The following TP53BP2 variants were observed in gnomAD, a reference collection of about 807,000 sequenced individuals.
TP53BP2 encodes the protein tumor protein p53 binding protein 2.
A neutral mutation model predicts 126.2 loss-of-function variants in TP53BP2; 62 were observed. The ratio of observed to expected loss-of-function variants is 0.49; its 90% CI spans 0.40 to 0.61. The LOEUF is 0.61. Among genes scored for constraint, TP53BP2 ranks in the 20% least tolerant of loss-of-function variants. The pLI is 0.00. For missense variants in TP53BP2, 1,215 were observed against 1,402.8 expected, an observed-to-expected ratio of 0.87 and a Z score of 2.14; for synonymous variants, 485 against 502.9, an observed-to-expected ratio of 0.96 and a Z score of 0.48.
At chr1:223,805,011 C>G (rs573505213) in intron 5 of TP53BP2, among the ~76,000 whole-genome samples, 1 of 152,130 alleles carries the variant, frequency 6.6e-6, no homozygotes, top group Non-Finnish European at 1.5e-5. Flanking sequence ...TGTTTCTTTC[C>G]CCTGCCCCAA....
intron 10 of TP53BP2, 68 bp from the exon 11 acceptor site, chr1:223,800,115 T>C: frequency 6.9e-7 from 1 of 1,456,488 alleles, no homozygotes; most frequent in Non-Finnish European, 9.1e-7. Flanking sequence ...ACTCGTAAGT[T>C]TCTCTCCCCT....
In TP53BP2 at chr1:223,792,484, C is replaced by T. The variant is rs578235907; in HGVS notation, c.2901G>A (p.Thr967=). ...CTGCACACACAGCATTGTGAAGAGC[C>T]GTGATGCCTTCATCATTGGGGAGGC... ...DPSLPNDEGI[T]ALHNAVCAGH... The change falls in exon 15 of 18, where the codon ACG becomes ACA. Residue 967 remains threonine, a synonymous_variant. Transcript: ENST00000343537. The T allele has an allele frequency of 5.9e-5, 95 of 1,613,980 alleles. No individual in the cohort carries two copies. The South Asian group carries it at 8.1e-4, about 14-fold the overall frequency.
At chr1:223,822,052 C>T (rs1030526871) in intron 1 of TP53BP2, among the ~76,000 whole-genome samples, 4 of 151,946 alleles carry the variant, frequency 2.6e-5, no homozygotes, top group African/African-American at 4.8e-5. Context: ...CCATATCACA[C>T]CACACCACGC....
chr1:223,786,608 A>G (rs11810318), intron 16 of TP53BP2, among the ~76,000 whole-genome samples: 47,215 of 134,928 alleles, frequency 0.35, 7,512 homozygotes, highest in African/African-American at 0.41. Flanking sequence ...GTGTGTGTGT[A>G]TATTTTTTTT....
At chr1:223,806,705 T>A (rs2102857808) in intron 5 of TP53BP2, 141 bp downstream of exon 5, 1 of 610,444 alleles carries the variant, frequency 1.6e-6, no homozygotes, top group East Asian at 3.1e-5. Flanking sequence ...CTGCCTGTAA[T>A]CCCAGCTACT....
rs746413768 is a variant in TP53BP2 at position 223,793,284 on chromosome 1, T to G, written c.2862+19A>C. 4.6e-6 allele frequency: 7 copies of G among 1,527,446 alleles called. No individual in the cohort carries two copies. The East Asian group carries it at 1.7e-4, about 36-fold the overall frequency. The allele number at this position is 1,527,446 out of a possible 1,614,324, so 94.6% of individuals were successfully genotyped here. On this transcript the variant is annotated intron_variant, in intron 14 of 17. Coordinates refer to ENST00000343537, the MANE Select transcript of TP53BP2 (RefSeq NM_001031685.3). ...GAGACTCTGACTCAAAAAAAAAAAT[T>G]TACTAATTATAATCATACCTCATAA...
chr1:223,842,088 C>T (rs542260902), intron 1 of TP53BP2, among the ~76,000 whole-genome samples: 2 of 151,890 alleles, frequency 1.3e-5, no homozygotes, highest in African/African-American at 2.4e-5. Context: ...TACAGGCACA[C>T]GCCACCACGC....
At chr1:223,827,878 CA>C (rs1663556938) in intron 1 of TP53BP2, among the ~76,000 whole-genome samples, 1 of 152,080 alleles carries the variant, frequency 6.6e-6, no homozygotes, top group Non-Finnish European at 1.5e-5. Flanking sequence ...GGCAGGCACA[CA>C]TGTTCTTTTT....
intron 1 of TP53BP2, 108 bp downstream of exon 1, chr1:223,845,546 C>A: frequency 8.1e-7 from 1 of 1,237,656 alleles, no homozygotes; most frequent in Non-Finnish European, 1.1e-6. Context: ...TCCGCGCGGG[C>A]TGCGGCCCCC....
In TP53BP2 at chr1:223,845,654, C is replaced by G; in HGVS notation, c.27G>C (p.Pro9=). The stretch of plus-strand genomic sequence containing the variant: ...ACGCCCTGGCCGCTCGCCCACTTAC[C>G]GGCATCATCTTGGACCCGAACCGCA... MRFGSKMM[P]MFLTVYLSNN... is the part of the protein sequence containing the mutation. The change falls in exon 1 of 18, where the codon CCG becomes CCC. Residue 9 remains proline, a splice_region_variant and synonymous_variant. Coordinates refer to ENST00000343537, the MANE Select transcript of TP53BP2 (RefSeq NM_001031685.3). 1 of 1,554,934 alleles carries G rather than the reference C, an allele frequency of 6.4e-7. No homozygotes were observed. Among genetic ancestry groups the G allele is most frequent in the South Asian group, 1.2e-5 (1 of 85,726 alleles).
chr1:223,834,759 T>C lies in TP53BP2; in HGVS notation c.27+10895A>G, dbSNP rs1663863716. 3.3e-6 allele frequency: 3 copies of C among 919,696 alleles called. No homozygotes were observed. In the South Asian group the frequency reaches 1.5e-4, roughly 46 times the overall value. 57.0% of individuals were successfully genotyped at this position (919,696 alleles called of 1,614,324 possible). A position where few individuals can be genotyped will look rare whatever the true frequency, so the allele number is the denominator to read the frequency against. ...TACTCTGTCCTGTAGTGTCAATTCA[T>C]CCCCATCCTTCCAGAATAACTCAAA... On this transcript the variant is annotated intron_variant, in intron 1 of 17. Transcript: ENST00000343537.
rs1337987701 is a variant in TP53BP2, at chr1:223,800,056, A to G, written c.1337-9T>C. 1 of 1,590,722 alleles carries G rather than the reference A, an allele frequency of 6.3e-7. No individual in the cohort carries two copies. The highest frequency in any genetic ancestry group is 8.5e-7 in the Non-Finnish European group (1 of 1,172,010). On this transcript the variant is annotated splice_polypyrimidine_tract_variant and intron_variant, in intron 10 of 17. Coordinates refer to ENST00000343537, the MANE Select transcript of TP53BP2 (RefSeq NM_001031685.3). ...AACCTCTCCATCATCAACTAAAGACAAAAAAATCACAATGACATTCAAACT... is the reference window on the plus strand; with the variant it reads ...AACCTCTCCATCATCAACTAAAGACGAAAAAATCACAATGACATTCAAACT...
At chr1:223,821,146 A>C in intron 2 of TP53BP2, 74 bp downstream of exon 2, 2 of 1,584,868 alleles carry the variant, frequency 1.3e-6, no homozygotes, top group Non-Finnish European at 1.7e-6. Context: ...GAGCATTCAC[A>C]CAGTGCCACG....
chr1:223,802,578 A>G (rs913882456), intron 8 of TP53BP2, 153 bp downstream of exon 8: 2 of 1,022,422 alleles, frequency 2.0e-6, no homozygotes, highest in Non-Finnish European at 2.9e-6. Context: ...AAAGTAAAAA[A>G]GCAGCGGATT....
rs1232323749 is a variant in TP53BP2 at position 223,796,997 on chromosome 1, G to T, written c.1949-407C>A. On this transcript the variant is annotated intron_variant, in intron 12 of 17. Coordinates refer to ENST00000343537, the MANE Select transcript of TP53BP2 (RefSeq NM_001031685.3). The surrounding 1 kb of genome is among the most constrained non-coding windows in gnomAD (Gnocchi z 4.2). ...TTTCACTTTTCAAAAGTGAATCAACGTGAGAACTTCTATTTGGCTTATAAA... is the reference window on the plus strand; with the variant it reads ...TTTCACTTTTCAAAAGTGAATCAACTTGAGAACTTCTATTTGGCTTATAAA... 6.6e-6 allele frequency among the ~76,000 whole-genome samples: 1 copy of T among 152,096 alleles called. No homozygotes were observed. Among genetic ancestry groups the T allele is most frequent in the East Asian group, 1.9e-4 (1 of 5,196 alleles).
intron 16 of TP53BP2, among the ~76,000 whole-genome samples, chr1:223,786,052 G>C (rs999139142): frequency 6.6e-6 from 1 of 152,076 alleles, no homozygotes; most frequent in Non-Finnish European, 1.5e-5. Flanking sequence ...TTCGAAAGCA[G>C]AATAAAAAGA....
rs375807255 is a variant in TP53BP2 at position 223,804,366 on chromosome 1, C to T, written c.475-18G>A. 5.3e-5 allele frequency: 85 copies of T among 1,610,300 alleles called. No homozygotes were observed. Among genetic ancestry groups the T allele is most frequent in the Non-Finnish European group, 6.8e-5 (80 of 1,178,840 alleles). On this transcript the variant is annotated intron_variant, in intron 5 of 17. Coordinates refer to ENST00000343537, the MANE Select transcript of TP53BP2 (RefSeq NM_001031685.3). ...CGCTGTTCCTAAAAATAAAAGTAATCATTAGGTATGTCATTTTAGGTAAGT... is the reference window on the plus strand; with the variant it reads ...CGCTGTTCCTAAAAATAAAAGTAATTATTAGGTATGTCATTTTAGGTAAGT...
At chr1:223,804,930 T>A (rs1171048970) in intron 5 of TP53BP2, among the ~76,000 whole-genome samples, 1 of 152,220 alleles carries the variant, frequency 6.6e-6, no homozygotes, top group African/African-American at 2.4e-5. Context: ...ATATACTCAA[T>A]AAATGGTCAC....
chr1:223,781,981 G>A (rs1661791866), intron 17 of TP53BP2, among the ~76,000 whole-genome samples: 1 of 152,168 alleles, frequency 6.6e-6, no homozygotes, highest in Admixed American at 6.5e-5. Context: ...AACACTCTCT[G>A]ACCCACTGCT....
Sources: gnomAD v4.1 joint callset for allele counts (sites outside exome capture counted in the v4.1 genomes callset) on GRCh38, gnomAD v4.1.1 for gene constraint, Gnocchi (gnomAD v3.1) non-coding constraint, MANE v1.5 for transcripts, NCBI Gene and HGNC (gene_info 2026-07-23, HGNC 2026-07-21) for gene names.